The following MAN1A1 variants were observed in gnomAD, a reference collection of about 807,000 sequenced individuals.
MAN1A1 encodes the protein mannosidase alpha class 1A member 1.
Under a neutral mutation model 70.8 loss-of-function variants are expected in MAN1A1, and 29 were observed. The observed-to-expected ratio is 0.41, with a 90% CI of 0.31 to 0.56. MAN1A1 has a LOEUF of 0.56. Ranked by LOEUF, MAN1A1 falls within the 20% of genes least tolerant of loss-of-function variation. The pLI, the probability that MAN1A1 is intolerant of heterozygous loss-of-function variation, is 0.29. For synonymous variants in MAN1A1, 349 were observed against 330.1 expected, an observed-to-expected ratio of 1.06 and a Z score of -0.62; for missense variants, 747 against 841.3, an observed-to-expected ratio of 0.89 and a Z score of 1.39.
rs75867425 is a variant in MAN1A1 at position 119,260,638 on chromosome 6, C to A, written c.898-12284G>T. Among the ~76,000 whole-genome samples, 901 of 152,244 alleles carry A rather than the reference C, an allele frequency of 5.9e-3. 31 individuals are homozygous for A. In the East Asian group the frequency reaches 0.09, roughly 15 times the overall value. ...ATTTTGCTAATTTACTTGAAAGCAT[C>A]TTTATCTTTTTTTCATTTAGAGGCT... On this transcript the variant is annotated intron_variant, in intron 5 of 12. Coordinates refer to ENST00000368468, the MANE Select transcript of MAN1A1 (RefSeq NM_005907.4).
At chr6:119,270,366 T>C (rs895242698) in intron 5 of MAN1A1, among the ~76,000 whole-genome samples, 3 of 152,230 alleles carry the variant, frequency 2.0e-5, no homozygotes, top group Non-Finnish European at 1.5e-5. Context: ...CTCAGAACTA[T>C]AGTGTTTTTC....
chr6:119,303,565 G>A (rs1772451709), intron 3 of MAN1A1, among the ~76,000 whole-genome samples: 1 of 152,020 alleles, frequency 6.6e-6, no homozygotes, highest in Non-Finnish European at 1.5e-5. Flanking sequence ...TTCCCACTAT[G>A]CACTCCTTCA....
intron 5 of MAN1A1, among the ~76,000 whole-genome samples, chr6:119,267,094 T>C (rs990156319): frequency 6.6e-6 from 1 of 152,212 alleles, no homozygotes; most frequent in African/African-American, 2.4e-5. Flanking sequence ...CCACCAAATG[T>C]TGGTGAGGGT....
chr6:119,275,367 C>T (rs1209881016), intron 5 of MAN1A1, among the ~76,000 whole-genome samples: 4 of 113,988 alleles, frequency 3.5e-5, no homozygotes, highest in South Asian at 6.8e-4. Context: ...AGTGCAGTGG[C>T]GGGATCTCGG....
intron 6 of MAN1A1, among the ~76,000 whole-genome samples, chr6:119,223,732 T>G (rs1265272869): frequency 6.6e-6 from 1 of 152,112 alleles, no homozygotes; most frequent in Non-Finnish European, 1.5e-5. Flanking sequence ...AGAGAATGCT[T>G]AATGACAGAA....
chr6:119,217,439 G>A (rs771978089), intron 6 of MAN1A1, among the ~76,000 whole-genome samples: 1 of 152,022 alleles, frequency 6.6e-6, no homozygotes, highest in African/African-American at 2.4e-5. Context: ...GCACCACCAC[G>A]CCTGGCTAAT....
At chr6:119,211,764 T>C (rs1562194316) in intron 6 of MAN1A1, among the ~76,000 whole-genome samples, 1 of 152,154 alleles carries the variant, frequency 6.6e-6, no homozygotes, top group African/African-American at 2.4e-5. Context: ...TAAATGATTG[T>C]CTTTTATTCT....
At chr6:119,198,443 G>T (rs6900434) in intron 8 of MAN1A1, among the ~76,000 whole-genome samples, 6,659 of 152,134 alleles carry the variant, frequency 0.044, 198 homozygotes, top group East Asian at 0.082. Context: ...TCCTCTGGTG[G>T]CCCTCAAACT....
At chr6:119,338,423 T>G (rs1773519471) in intron 2 of MAN1A1, among the ~76,000 whole-genome samples, 1 of 152,190 alleles carries the variant, frequency 6.6e-6, no homozygotes, top group Non-Finnish European at 1.5e-5. Flanking sequence ...TTATCCTATT[T>G]ACAACACTGA....
At chr6:119,299,847 C>T (rs917933199) in intron 4 of MAN1A1, among the ~76,000 whole-genome samples, 1 of 152,178 alleles carries the variant, frequency 6.6e-6, no homozygotes, top group African/African-American at 2.4e-5. Context: ...GTTACCTTTG[C>T]ACTTAGTCAT....
intron 5 of MAN1A1, among the ~76,000 whole-genome samples, chr6:119,259,279 T>A (rs915584860): frequency 1.3e-5 from 2 of 152,206 alleles, no homozygotes; most frequent in African/African-American, 4.8e-5. Context: ...CCTTCCTCTA[T>A]CTTACGGTGA....
intron 5 of MAN1A1, among the ~76,000 whole-genome samples, chr6:119,264,216 A>C (rs1048706935): frequency 6.6e-6 from 1 of 152,220 alleles, no homozygotes; most frequent in African/African-American, 2.4e-5. Context: ...AAGCTCTGAG[A>C]GCAGGGCTTA....
chr6:119,197,056 C>T (rs1361246886), intron 8 of MAN1A1, among the ~76,000 whole-genome samples: 1 of 152,160 alleles, frequency 6.6e-6, no homozygotes, highest in African/African-American at 2.4e-5. Flanking sequence ...CACCTGTAAT[C>T]CCAGAACATT....
At chr6:119,331,580 T>TATATATATATAC (rs1412120432) in intron 2 of MAN1A1, among the ~76,000 whole-genome samples, 14 of 144,200 alleles carry the variant, frequency 9.7e-5, no homozygotes, top group African/African-American at 3.6e-4. Flanking sequence ...CATATATATA[T>TATATATATATAC]ATATATATAT....
chr6:119,316,951 CTT>C (rs11362337), intron 2 of MAN1A1, among the ~76,000 whole-genome samples: 71 of 138,040 alleles, frequency 5.1e-4, no homozygotes, highest in Middle Eastern at 3.8e-3. Context: ...TATTATTATT[CTT>C]TTTTTTTTTT....
chr6:119,288,120 T>G (rs551614591), intron 5 of MAN1A1, among the ~76,000 whole-genome samples: 2 of 151,992 alleles, frequency 1.3e-5, no homozygotes, highest in Non-Finnish European at 2.9e-5. Flanking sequence ...CCAGTGTTTC[T>G]AACTGTAACT....
intron 2 of MAN1A1, among the ~76,000 whole-genome samples, chr6:119,312,547 T>G (rs1772739997): frequency 6.6e-6 from 1 of 152,072 alleles, no homozygotes; most frequent in South Asian, 2.1e-4. Context: ...CCACCGCTTA[T>G]CTAATGCTAT....
intron 6 of MAN1A1, among the ~76,000 whole-genome samples, chr6:119,215,640 A>G (rs1294903147): frequency 2.0e-5 from 3 of 152,216 alleles, no homozygotes; most frequent in Non-Finnish European, 2.9e-5. Context: ...AATATATCTT[A>G]TGGTTGGGAT....
chr6:119,324,908 A>G (rs1188564888), intron 2 of MAN1A1, among the ~76,000 whole-genome samples: 1 of 152,120 alleles, frequency 6.6e-6, no homozygotes, highest in Non-Finnish European at 1.5e-5. Context: ...TTGGACGCAG[A>G]GTGGTGTCCC....
Sources: gnomAD v4.1 joint callset for allele counts (sites outside exome capture counted in the v4.1 genomes callset) on GRCh38, gnomAD v4.1.1 for gene constraint, MANE v1.5 for transcripts, NCBI Gene and HGNC (gene_info 2026-07-23, HGNC 2026-07-21) for gene names.